The following RBFOX1 variants were observed in gnomAD, a reference collection of about 807,000 sequenced individuals.
The protein encoded by RBFOX1 is RNA binding fox-1 homolog 1.
RBFOX1 carries 8 observed loss-of-function variants against 57.7 expected under a neutral mutation model. That is an observed-to-expected ratio of 0.14 (90% CI 0.08 to 0.25). RBFOX1 has a LOEUF of 0.25. Among genes scored for constraint, RBFOX1 ranks in the 10% least tolerant of loss-of-function variants. The pLI, the probability that RBFOX1 is intolerant of heterozygous loss-of-function variation, is 1.00. For missense variants in RBFOX1, 611 were observed against 548.5 expected, an observed-to-expected ratio of 1.11 and a Z score of -1.14; for synonymous variants, 326 against 222.4, an observed-to-expected ratio of 1.47 and a Z score of -4.15.
intron 3 of RBFOX1, among the ~76,000 whole-genome samples, chr16:6,770,823 G>T (rs1378269660): frequency 6.6e-6 from 1 of 152,160 alleles, no homozygotes; most frequent in Non-Finnish European, 1.5e-5. Context: ...ATGAGCAATG[G>T]AGAGAGCCCA....
intron 3 of RBFOX1, among the ~76,000 whole-genome samples, chr16:7,034,833 T>G (rs2043841438): frequency 8.8e-6 from 1 of 114,120 alleles, no homozygotes; most frequent in African/African-American, 3.7e-5. Flanking sequence ...ATTACTTTTT[T>G]TTTTTTTCTT....
intron 1 of RBFOX1, among the ~76,000 whole-genome samples, chr16:6,217,184 T>TTTC (rs1486367905): frequency 6.6e-6 from 1 of 150,580 alleles, no homozygotes; most frequent in African/African-American, 2.4e-5. Flanking sequence ...CTTTTTTTTT[T>TTTC]TTTTTTTTGT....
intron 3 of RBFOX1, among the ~76,000 whole-genome samples, chr16:5,787,445 A>G (rs1329557488): frequency 6.6e-6 from 1 of 152,220 alleles, no homozygotes; most frequent in Non-Finnish European, 1.5e-5. Context: ...CTGAATAATA[A>G]AGTCACTGTA....
At chr16:6,931,474 C>T (rs2076552400) in intron 3 of RBFOX1, among the ~76,000 whole-genome samples, 1 of 152,066 alleles carries the variant, frequency 6.6e-6, no homozygotes, top group Non-Finnish European at 1.5e-5. Context: ...GGTATAATCC[C>T]AGAAGTAGAA....
At chr16:5,812,936 T>G (rs1353457893) in intron 3 of RBFOX1, among the ~76,000 whole-genome samples, 1 of 152,180 alleles carries the variant, frequency 6.6e-6, no homozygotes, top group South Asian at 2.1e-4. Flanking sequence ...ATTAGAAAAT[T>G]TTGGGTTGTT....
chr16:6,766,957 G>C (rs574652706), intron 3 of RBFOX1, among the ~76,000 whole-genome samples: 1 of 152,250 alleles, frequency 6.6e-6, no homozygotes, highest in Non-Finnish European at 1.5e-5. Context: ...CCCTTGGTAA[G>C]TCGGGGGAGG....
At chr16:7,171,874 C>T (rs1054612323) in intron 4 of RBFOX1, among the ~76,000 whole-genome samples, 9 of 152,170 alleles carry the variant, frequency 5.9e-5, no homozygotes, top group African/African-American at 2.2e-4. Context: ...GACTGAGACA[C>T]ATCTCTGCTT....
At chr16:7,428,187 C>A (rs994277759) in intron 4 of RBFOX1, among the ~76,000 whole-genome samples, 6 of 152,198 alleles carry the variant, frequency 3.9e-5, no homozygotes, top group African/African-American at 1.2e-4. Context: ...TATCTTTTCC[C>A]CTGAAGTCAG....
chr16:6,465,949 C>G (rs548310264), intron 2 of RBFOX1, among the ~76,000 whole-genome samples: 55 of 151,984 alleles, frequency 3.6e-4, no homozygotes, highest in African/African-American at 1.2e-3. Flanking sequence ...AAAAGAAAGA[C>G]TGGGTGTCGT....
chr16:7,197,998 C>CTTTTTTTTTTTTTTTTTTTTT (rs945404947), intron 4 of RBFOX1, among the ~76,000 whole-genome samples: 1 of 55,592 alleles, frequency 1.8e-5, no homozygotes, highest in Non-Finnish European at 3.2e-5. Flanking sequence ...TTCTTTCTTT[C>CTTTTTTTTTTTTTTTTTTTTT]TTTTTTTTTT....
At chr16:5,245,580 A>G (rs878971428) in intron 1 of RBFOX1, among the ~76,000 whole-genome samples, 2 of 152,244 alleles carry the variant, frequency 1.3e-5, no homozygotes, top group South Asian at 2.1e-4. Context: ...AAGTAGCTGG[A>G]AATGCAGATG....
intron 1 of RBFOX1, among the ~76,000 whole-genome samples, chr16:6,199,506 C>A (rs2097201703): frequency 6.6e-6 from 1 of 152,194 alleles, no homozygotes; most frequent in Admixed American, 6.5e-5. Context: ...ACCAAAAGGT[C>A]TAATCCTGAG....
chr16:7,285,378 TTGTGTGTGTG>T (rs113808623), intron 4 of RBFOX1, among the ~76,000 whole-genome samples: 6 of 147,670 alleles, frequency 4.1e-5, no homozygotes, highest in Admixed American at 1.4e-4. Flanking sequence ...CTTGCATTAA[TTGTGTGTGTG>T]TGTGTGTGTG....
At chr16:6,258,963 G>A (rs958112615) in intron 1 of RBFOX1, among the ~76,000 whole-genome samples, 1 of 152,114 alleles carries the variant, frequency 6.6e-6, no homozygotes, top group Admixed American at 6.6e-5. Flanking sequence ...ATGCAATTCC[G>A]AGTTCATTTA....
chr16:6,504,530 T>C (rs531810074), intron 2 of RBFOX1, among the ~76,000 whole-genome samples: 218 of 152,236 alleles, frequency 1.4e-3, no homozygotes, highest in African/African-American at 4.8e-3. Flanking sequence ...GGACTCAAAG[T>C]AACAGGGAGC....
At chr16:6,380,636 T>C (rs182399659) in intron 2 of RBFOX1, among the ~76,000 whole-genome samples, 29 of 152,156 alleles carry the variant, frequency 1.9e-4, no homozygotes, top group Non-Finnish European at 3.5e-4. Flanking sequence ...TTGTTTTTTC[T>C]TCTTTTCCTC....
chr16:6,053,556 G>C (rs2095578737), intron 1 of RBFOX1, among the ~76,000 whole-genome samples: 2 of 152,122 alleles, frequency 1.3e-5, no homozygotes, highest in African/African-American at 4.8e-5. Context: ...ACAAGTTTTA[G>C]GAAATGACTA....
intron 3 of RBFOX1, among the ~76,000 whole-genome samples, chr16:6,812,058 A>G (rs1289674724): frequency 6.6e-6 from 1 of 152,024 alleles, no homozygotes; most frequent in Non-Finnish European, 1.5e-5. Context: ...GGTTTCATGT[A>G]TCACCATATA....
intron 4 of RBFOX1, among the ~76,000 whole-genome samples, chr16:5,892,578 G>C (rs563765032): frequency 6.6e-6 from 1 of 152,312 alleles, no homozygotes; most frequent in African/African-American, 2.4e-5. Flanking sequence ...AGTAAGCAGA[G>C]AGGCAATAAC....
Sources: allele counts gnomAD v4.1 joint callset (sites outside exome capture counted in the v4.1 genomes callset), GRCh38; gene constraint gnomAD v4.1.1; transcripts MANE v1.5; gene names NCBI Gene and HGNC (gene_info 2026-07-23, HGNC 2026-07-21).